PDZD2: variants seen among roughly 807,000 people sequenced by gnomAD.
The protein encoded by PDZD2 is PDZ domain-containing protein 2.
In PDZD2, 90 loss-of-function variants were observed where a neutral mutation model predicts 220.7. That is an observed-to-expected ratio of 0.41 (90% confidence interval 0.34 to 0.49). The LOEUF is 0.49. Among genes scored for constraint, PDZD2 ranks in the 20% least tolerant of loss-of-function variants. The pLI, the probability that PDZD2 is intolerant of heterozygous loss-of-function variation, is 0.28. For synonymous variants in PDZD2, 1,375 were observed against 1,450.5 expected (o/e 0.95, Z 1.18); for missense variants, 3,174 against 3,608.5 (o/e 0.88, Z 3.08).
Position 31,649,937 on chromosome 5 carries a change from C to CAAAA in PDZD2, c.-361+10524_-361+10527dup, listed in dbSNP as rs6148975. On this transcript the variant is annotated intron_variant, in intron 1 of 24. Transcript: ENST00000438447. ...TGGGCGACAGAGTGAGACTCCGTCT[C>CAAAA]AAAAAAAAAAAAAAAAAAAAAAAAA... Among the ~76,000 whole-genome samples the CAAAA allele has an allele frequency of 8.3e-4, 61 of 73,496 alleles. 3 individuals carry two copies. Among genetic ancestry groups the CAAAA allele is most frequent in the Non-Finnish European group, 8.7e-4 (36 of 41,540 alleles). The allele number at this position is 73,496 out of a possible 152,430, so 48.2% of individuals were successfully genotyped here. A position where few individuals can be genotyped will look rare whatever the true frequency, so the allele number is the denominator to read the frequency against.
Position 32,093,012 on chromosome 5 carries a change from A to C in PDZD2, c.7833A>C (p.Lys2611Asn), listed in dbSNP as rs1473407948. ...STILTLIQEA[K>N]AQSENEEDVC... is the part of the protein sequence containing the mutation. ...TCCTAACTCTCATTCAGGAAGCGAA[A>C]GCACAATCAGAGGTGAGTGAAACAC... Residue 2611 changes from lysine (K) to asparagine (N), a missense_variant, in exon 21 of 25, where the codon AAA (lysine) becomes AAC (asparagine). This residue lies in a region of PDZD2 where 631 missense variants were observed against 789.9 expected (regional missense o/e 0.80). Coordinates refer to ENST00000438447, the MANE Select transcript of PDZD2 (RefSeq NM_178140.4). The C allele has an allele frequency of 6.5e-7, 1 of 1,535,378 alleles. No individual in the cohort carries two copies. Among genetic ancestry groups the C allele is most frequent in the Admixed American group, 1.7e-5 (1 of 59,692 alleles).
rs143364392 is a variant in PDZD2, at chr5:32,012,509, G to A, written c.1407+2027G>A. Among the ~76,000 whole-genome samples the A allele has an allele frequency of 5.4e-3, 814 of 151,612 alleles. 6 individuals carry two copies. Among genetic ancestry groups the A allele is most frequent in the African/African-American group, 0.019 (771 of 41,298 alleles). On this transcript the variant is annotated intron_variant, in intron 6 of 24. Transcript: ENST00000438447. Reference sequence around the variant, plus strand: ...AGCAATTCTCCTGCCTCAGCCTCCCGAGTAGCTGGGACTACAGACGCACGC... The same window carrying A: ...AGCAATTCTCCTGCCTCAGCCTCCCAAGTAGCTGGGACTACAGACGCACGC...
chr5:32,107,216 TCATA>T (rs944499270), intron 24 of PDZD2: 51 of 152,256 alleles, frequency 3.3e-4, no homozygotes, highest in African/African-American at 1.2e-3. Context: ...TTTTCAAAGC[TCATA>T]CAAAGCTAGA....
chr5:31,821,183 A>G (rs549195892), intron 2 of PDZD2, among the ~76,000 whole-genome samples: 2 of 151,956 alleles, frequency 1.3e-5, no homozygotes, highest in East Asian at 3.9e-4. Flanking sequence ...GGATGATGTC[A>G]TTTTCCCAAA....
At chr5:32,076,897 T>C (rs1373248223) in intron 18 of PDZD2, among the ~76,000 whole-genome samples, 1 of 152,262 alleles carries the variant, frequency 6.6e-6, no homozygotes, top group African/African-American at 2.4e-5. Flanking sequence ...TGTGCTCTGC[T>C]GCCACCTTTG....
Position 31,978,665 on chromosome 5 carries a change from A to G in PDZD2, c.477-4490A>G, listed in dbSNP as rs1749999696. ...GGGAGGCGGAGTTGGCAGTGAGCCA[A>G]GATTGCACCGCTGCCCTCTAGCCTG... On this transcript the variant is annotated intron_variant, in intron 2 of 24. Coordinates refer to ENST00000438447, the MANE Select transcript of PDZD2 (RefSeq NM_178140.4). Among the ~76,000 whole-genome samples, 4 of 149,176 alleles carry G rather than the reference A, an allele frequency of 2.7e-5. No homozygotes were observed. The South Asian group carries it at 8.4e-4, about 31-fold the overall frequency.
chr5:31,805,754 GA>G (rs1580792779), intron 2 of PDZD2, among the ~76,000 whole-genome samples: 2 of 152,096 alleles, frequency 1.3e-5, no homozygotes, highest in East Asian at 1.9e-4. Flanking sequence ...TTAGAAATAG[GA>G]TCATTGCAGG....
chr5:31,709,355 GT>G (rs1377949721), intron 1 of PDZD2, among the ~76,000 whole-genome samples: 1 of 151,974 alleles, frequency 6.6e-6, no homozygotes, highest in Non-Finnish European at 1.5e-5. Context: ...GGGCATGGTG[GT>G]GCATGCCTGT....
At chr5:32,003,420 ACCCCCCC>A (rs148091252) in intron 5 of PDZD2, among the ~76,000 whole-genome samples, 1 of 50,294 alleles carries the variant, frequency 2.0e-5, no homozygotes, top group Non-Finnish European at 3.2e-5. Context: ...CCACACACAC[ACCCCCCC>A]CACACACACC....
chr5:31,849,839 ATC>A lies in PDZD2; in HGVS notation c.476+50134_476+50135del, dbSNP rs1176765212. ...AACTTGGGTGATGGAGTGAGACTCCATCTCTCTCTCTCTCTCTCTCATATATA... is the reference window on the plus strand; with the variant it reads ...AACTTGGGTGATGGAGTGAGACTCCATCTCTCTCTCTCTCTCTCATATATA... On this transcript the variant is annotated intron_variant, in intron 2 of 24. Transcript: ENST00000438447. Among the ~76,000 whole-genome samples, 30 of 136,616 alleles carry A rather than the reference ATC, an allele frequency of 2.2e-4. 1 individual carries two copies. Among genetic ancestry groups the A allele is most frequent in the African/African-American group, 5.1e-4 (19 of 36,932 alleles). The allele number at this position is 136,616 out of a possible 152,430, so 89.6% of individuals were successfully genotyped here.
At chr5:32,085,912 C>T (rs759297245) in intron 19 of PDZD2, among the ~76,000 whole-genome samples, 3 of 151,634 alleles carry the variant, frequency 2.0e-5, no homozygotes, top group Non-Finnish European at 2.9e-5. Flanking sequence ...GGAATTGTAC[C>T]GAATCTATAG....
chr5:31,724,400 C>T (rs1489753385), intron 1 of PDZD2, among the ~76,000 whole-genome samples: 2 of 151,966 alleles, frequency 1.3e-5, no homozygotes, highest in African/African-American at 4.8e-5. Flanking sequence ...GTTGGGAATT[C>T]GAGACCAGCT....
chr5:31,827,295 G>C (rs1323008110), intron 2 of PDZD2, among the ~76,000 whole-genome samples: 3 of 152,166 alleles, frequency 2.0e-5, no homozygotes, highest in Admixed American at 2.0e-4. Flanking sequence ...CTGGTTTTCT[G>C]GGGCCTTTAT....
At position 32,010,196 on chromosome 5, in the gene PDZD2, T is replaced by C. The variant is rs1355937494; in HGVS notation, c.1255-134T>C. 6.4e-6 allele frequency: 4 copies of C among 627,040 alleles called. No homozygotes were observed. The African/African-American group carries it at 7.2e-5, about 11-fold the overall frequency. The allele number at this position is 627,040 out of a possible 1,614,324, so 38.8% of individuals were successfully genotyped here. On this transcript the variant is annotated intron_variant, in intron 5 of 24. Coordinates refer to ENST00000438447, the MANE Select transcript of PDZD2 (RefSeq NM_178140.4). ...CACACCCCTGGCCTTTGAGGTAACC[T>C]TGCAGACACAGAACATTTACTCCAT...
intron 2 of PDZD2, among the ~76,000 whole-genome samples, chr5:31,914,605 A>G (rs1743515445): frequency 6.6e-6 from 1 of 152,220 alleles, no homozygotes; most frequent in African/African-American, 2.4e-5. Context: ...TAGATAGAAC[A>G]TGTCTCAGAG....
At chr5:31,740,537 A>AAAAAAAAAAAAAAG (rs1750191285) in intron 1 of PDZD2, among the ~76,000 whole-genome samples, 1 of 104,104 alleles carries the variant, frequency 9.6e-6, no homozygotes, top group Non-Finnish European at 1.8e-5. Flanking sequence ...AAAAAAAAAA[A>AAAAAAAAAAAAAAG]AAAAAAAAAA....
chr5:31,700,933 T>A (rs1274954444), intron 1 of PDZD2, among the ~76,000 whole-genome samples: 1 of 152,202 alleles, frequency 6.6e-6, no homozygotes, highest in Non-Finnish European at 1.5e-5. Flanking sequence ...GGCTCCCATC[T>A]CCTGGGGGGC....
intron 5 of PDZD2, among the ~76,000 whole-genome samples, chr5:32,010,100 G>GA (rs1753172131): frequency 9.2e-6 from 1 of 109,006 alleles, no homozygotes; most frequent in East Asian, 2.5e-4. Flanking sequence ...AAAGAAAAAA[G>GA]AAAAAAAAGA....
At chr5:31,942,583 C>T (rs1746298988) in intron 2 of PDZD2, among the ~76,000 whole-genome samples, 1 of 152,224 alleles carries the variant, frequency 6.6e-6, no homozygotes, top group Non-Finnish European at 1.5e-5. Flanking sequence ...AATCCTCCCG[C>T]CTCAGCTTCG....
Sources: gnomAD v4.1 joint callset for allele counts (sites outside exome capture counted in the v4.1 genomes callset) on GRCh38, gnomAD v4.1.1 for gene constraint, gnomAD v4.1.1 regional missense constraint, MANE v1.5 for transcripts, NCBI Gene and HGNC (gene_info 2026-07-23, HGNC 2026-07-21) for gene names.